Variants in IGFL2 observed in about 807,000 individuals in gnomAD.
IGFL2 encodes IGF like family member 2, also known as insulin growth factor-like family member 2.
Under a neutral mutation model 13.9 loss-of-function variants are expected in IGFL2, and 7 were observed. The ratio of observed to expected loss-of-function variants is 0.51; its 90% CI spans 0.29 to 0.95. The LOEUF (loss-of-function observed/expected upper bound fraction) is 0.95. IGFL2 is among the 40% of genes least tolerant of loss of function. IGFL2 has a pLI of 0.08. For missense variants in IGFL2, 138 were observed against 147.8 expected (o/e 0.93, Z 0.34); for synonymous variants, 55 against 55.8 (o/e 0.99, Z 0.07).
the IGFL2 span, chr19:46,111,603 G>A: frequency 6.6e-6 from 1 of 152,190 alleles, no homozygotes; most frequent in African/African-American, 2.4e-5. Context: ...CTTTCTTCTA[G>A]CACTCATGCC....
chr19:46,148,711 G>A (rs10410402), intron 1 of IGFL2: 12,322 of 631,674 alleles, frequency 0.02, 983 homozygotes, highest in African/African-American at 0.19. Context: ...GACCATAGGT[G>A]AGAATGGGTG....
upstream of IGFL2, among the ~76,000 whole-genome samples, chr19:46,145,975 A>T (rs1172075838): frequency 6.6e-6 from 1 of 152,168 alleles, no homozygotes; most frequent in African/African-American, 2.4e-5. Context: ...ATCAAGTTTA[A>T]CTTTAAAATT....
the IGFL2 span, among the ~76,000 whole-genome samples, chr19:46,084,886 T>C: frequency 6.6e-6 from 1 of 152,204 alleles, no homozygotes; most frequent in Non-Finnish European, 1.5e-5. Flanking sequence ...TCGTGTCCTT[T>C]TCACGTTGCA....
the IGFL2 span, among the ~76,000 whole-genome samples, chr19:46,168,916 A>ATGTGTGTGTG: frequency 2.1e-5 from 3 of 145,614 alleles, no homozygotes; most frequent in Non-Finnish European, 3.1e-5. Context: ...GTGTGTGTGT[A>ATGTGTGTGTG]TGTGTGTGTG....
chr19:46,126,307 A>G, the IGFL2 span, among the ~76,000 whole-genome samples: 2 of 152,210 alleles, frequency 1.3e-5, no homozygotes, highest in African/African-American at 4.8e-5. Flanking sequence ...GCTTTCTTAC[A>G]CAACATCATT....
At chr19:46,170,325 A>G in the IGFL2 span, among the ~76,000 whole-genome samples, 1 of 152,204 alleles carries the variant, frequency 6.6e-6, no homozygotes. Flanking sequence ...ATGGACATTT[A>G]TCACTTCCCC....
chr19:46,114,654 A>C, the IGFL2 span, among the ~76,000 whole-genome samples: 1 of 152,126 alleles, frequency 6.6e-6, no homozygotes, highest in African/African-American at 2.4e-5. Context: ...TCTGATGGTT[A>C]AAAAGTGTGG....
the IGFL2 span, chr19:46,137,245 T>G: frequency 1.4e-6 from 2 of 1,426,790 alleles, no homozygotes; most frequent in South Asian, 2.3e-5. Flanking sequence ...TGAACTGATT[T>G]GGATCTTTGC....
the IGFL2 span, chr19:46,189,942 T>C: frequency 5.3e-5 from 8 of 152,182 alleles, no homozygotes; most frequent in East Asian, 1.9e-4. Context: ...CACTGGGAAA[T>C]GTGTAAGTAA....
chr19:46,099,145 T>C, the IGFL2 span, among the ~76,000 whole-genome samples: 2 of 152,260 alleles, frequency 1.3e-5, no homozygotes, highest in South Asian at 4.1e-4. Context: ...TGATGAATAT[T>C]GGCCTCCACT....
chr19:46,091,238 T>C, the IGFL2 span, among the ~76,000 whole-genome samples: 19 of 152,154 alleles, frequency 1.2e-4, no homozygotes, highest in African/African-American at 4.3e-4. Flanking sequence ...TAGAAAAACA[T>C]TTGTAAGAAG....
At chr19:46,100,162 G>C in the IGFL2 span, among the ~76,000 whole-genome samples, 1 of 152,142 alleles carries the variant, frequency 6.6e-6, no homozygotes, top group African/African-American at 2.4e-5. Flanking sequence ...ACCCTTGCTG[G>C]AGAGGAGTTG....
the IGFL2 span, among the ~76,000 whole-genome samples, chr19:46,083,693 G>A: frequency 2.0e-5 from 3 of 152,256 alleles, no homozygotes; most frequent in Non-Finnish European, 4.4e-5. Flanking sequence ...GTGACAGAGA[G>A]GACAGAAGAG....
At chr19:46,182,441 A>G in the IGFL2 span, among the ~76,000 whole-genome samples, 3 of 147,838 alleles carry the variant, frequency 2.0e-5, no homozygotes, top group Non-Finnish European at 4.5e-5. Flanking sequence ...GTGTTTTTTT[A>G]GTGCATTCTT....
At chr19:46,139,608 TC>T (rs1600862374), upstream of IGFL2, among the ~76,000 whole-genome samples, 1 of 151,924 alleles carries the variant, frequency 6.6e-6, no homozygotes, top group East Asian at 1.9e-4. Context: ...CAGGGATCAA[TC>T]CAAATGGAAC....
chr19:46,190,780 T>C, the IGFL2 span, among the ~76,000 whole-genome samples: 14 of 152,232 alleles, frequency 9.2e-5, no homozygotes, highest in Non-Finnish European at 1.8e-4. Flanking sequence ...AGACCAAAAA[T>C]GCATGTGGCT....
the IGFL2 span, among the ~76,000 whole-genome samples, chr19:46,109,868 G>A: frequency 1.3e-5 from 2 of 152,160 alleles, no homozygotes; most frequent in African/African-American, 2.4e-5. Context: ...GCAGGAACTG[G>A]CTATTTTCAC....
chr19:46,151,506 G>A (rs1490956200), intron 1 of IGFL2, among the ~76,000 whole-genome samples: 1 of 152,138 alleles, frequency 6.6e-6, no homozygotes, highest in Admixed American at 6.5e-5. Context: ...TTTGTGGTAA[G>A]CTTTGAAATC....
chr19:46,131,900 C>T, the IGFL2 span, among the ~76,000 whole-genome samples: 1 of 152,220 alleles, frequency 6.6e-6, no homozygotes, highest in Non-Finnish European at 1.5e-5. Context: ...TATTATGCTA[C>T]TGCACTCCAG....
Sources: allele counts gnomAD v4.1 joint callset (sites outside exome capture counted in the v4.1 genomes callset), GRCh38; gene constraint gnomAD v4.1.1; transcripts MANE v1.5; gene names NCBI Gene and HGNC (gene_info 2026-07-23, HGNC 2026-07-21).